Variants in ACSM2B observed in about 807,000 individuals in gnomAD.
ACSM2B encodes the protein acyl-CoA synthetase medium chain family member 2B, also known as acyl-coenzyme A synthetase ACSM2B, mitochondrial.
A neutral mutation model predicts 78.6 loss-of-function variants in ACSM2B; 58 were observed. The ratio of observed to expected loss-of-function variants is 0.74; its 90% CI spans 0.60 to 0.92. ACSM2B has a LOEUF of 0.92. Ranked by LOEUF, ACSM2B falls within the 40% of genes least tolerant of loss-of-function variation. The pLI, the probability that ACSM2B is intolerant of heterozygous loss-of-function variation, is 0.00. For missense variants in ACSM2B, 688 were observed against 711.2 expected, an observed-to-expected ratio of 0.97 and a Z score of 0.37; for synonymous variants, 257 against 256.8, an observed-to-expected ratio of 1.00 and a Z score of -0.01.
chr16:20,545,179 A>G lies in ACSM2B; in HGVS notation c.1259T>C (p.Ile420Thr). The G allele has an allele frequency of 6.2e-7, 1 of 1,613,700 alleles. No homozygotes were observed. Among genetic ancestry groups the G allele is most frequent in the Non-Finnish European group, 8.5e-7 (1 of 1,179,696 alleles). ...IGIRVKPIRP[I>T]GIFSGYVENP... The stretch of plus-strand genomic sequence containing the variant: ...CACCACATAGCCAGAGAAGATGCCT[A>G]TAGGCCTGATGGGTTTGACCCTGAT... Residue 420 changes from isoleucine (I) to threonine (T), a missense_variant, in exon 10 of 14, where the codon ATA (isoleucine) becomes ACA (threonine). Coordinates refer to ENST00000329697, the MANE Select transcript of ACSM2B (RefSeq NM_001105069.2).
intron 8 of ACSM2B, 168 bp from the exon 9 acceptor site, chr16:20,546,642 A>T (rs2015150986): frequency 8.0e-7 from 1 of 1,245,856 alleles, no homozygotes; most frequent in Non-Finnish European, 1.1e-6. Flanking sequence ...CTGGAATCAC[A>T]ATCCTAGGGG....
In ACSM2B at chr16:20,545,259, C is replaced by G; in HGVS notation, c.1180-1G>C. 6.2e-7 allele frequency: 1 copy of G among 1,612,870 alleles called. No homozygotes were observed. The highest frequency in any genetic ancestry group is 1.1e-5 in the South Asian group (1 of 90,846). On this transcript the variant is annotated splice_acceptor_variant, in intron 9 of 13. Transcript: ENST00000329697. LOFTEE classifies it high-confidence loss of function. Reference sequence around the variant, plus strand: ...GGACGTTGCCCTTATCATCTATAACCTGGAGAAAGAAGCATATTGGAAGAA... The same window carrying G: ...GGACGTTGCCCTTATCATCTATAACGTGGAGAAAGAAGCATATTGGAAGAA...
chr16:20,551,848 A>G lies in ACSM2B; in HGVS notation c.894+296T>C, dbSNP rs545631182. ...TCCCTTTTACATGTGGTTCACCAGC[A>G]TCTATCTGATAGGTGACACCAGTGG... On this transcript the variant is annotated intron_variant, in intron 6 of 13. Transcript: ENST00000329697. Among the ~76,000 whole-genome samples the G allele has an allele frequency of 6.6e-5, 10 of 152,316 alleles. No homozygotes were observed. The South Asian group carries it at 2.1e-3, about 32-fold the overall frequency.
chr16:20,537,311 T>G lies in ACSM2B; in HGVS notation c.1681A>C (p.Thr561Pro), dbSNP rs775014510. Residue 561 changes from threonine (T) to proline (P), a missense_variant, in exon 14 of 14, where the codon ACC becomes CCC. Thr to Pro is a conservative substitution (Grantham distance 38). Coordinates refer to ENST00000329697, the MANE Select transcript of ACSM2B (RefSeq NM_001105069.2). ...PKTVTGKIQR[T>P]KLRDKEWKMS... is the part of the protein sequence containing the mutation. ...TTCCACTCCTTGTCTCGAAGTTTGG[T>G]TCGTTGAATTTTCCCTGTGACAGTC... 1.9e-6 allele frequency: 3 copies of G among 1,613,984 alleles called. No individual in the cohort carries two copies. The highest frequency in any genetic ancestry group is 2.2e-5 in the South Asian group (2 of 91,068).
At chr16:20,572,974 ATT>A (rs59811675) in intron 1 of ACSM2B, among the ~76,000 whole-genome samples, 4,065 of 137,770 alleles carry the variant, frequency 0.03, 134 homozygotes, top group African/African-American at 0.076. Context: ...CATAACTTGT[ATT>A]TTTTTTTTTT....
intron 1 of ACSM2B, among the ~76,000 whole-genome samples, chr16:20,571,055 A>T (rs1487098613): frequency 6.6e-6 from 1 of 150,666 alleles, no homozygotes; most frequent in Non-Finnish European, 1.5e-5. Context: ...GTATTTTTTT[A>T]TCTCAATTTC....
rs140021440 is a variant in ACSM2B at position 20,552,198 on chromosome 16, T to A, written c.840A>T (p.Gly280=). 3.7e-6 allele frequency: 6 copies of A among 1,613,780 alleles called. No individual in the cohort carries two copies. The African/African-American group carries it at 8.0e-5, about 22-fold the overall frequency. Reference sequence around the variant, plus strand: ...GCAAGAGATGAACAAATGTGCATGCTCCTAATGTCCAAGATTCCAAAAGTG... The same window carrying A: ...GCAAGAGATGAACAAATGTGCATGCACCTAATGTCCAAGATTCCAAAAGTG... ...LGSLLESWTL[G]ACTFVHLLPK... is the part of the protein sequence containing the mutation. The change falls in exon 6 of 14, where the codon GGA becomes GGT. Residue 280 remains glycine, a synonymous_variant. Coordinates refer to ENST00000329697, the MANE Select transcript of ACSM2B (RefSeq NM_001105069.2).
intron 10 of ACSM2B, 29 bp from the exon 11 acceptor site, chr16:20,543,291 G>A (rs2285630): frequency 0.21 from 340,429 of 1,608,462 alleles, 37,477 homozygotes; most frequent in East Asian, 0.57. Flanking sequence ...CAGAGTCATT[G>A]TGCCTGCAAA....
intron 13 of ACSM2B, among the ~76,000 whole-genome samples, chr16:20,538,892 A>G (rs926216222): frequency 2.6e-5 from 4 of 152,026 alleles, no homozygotes; most frequent in Non-Finnish European, 5.9e-5. Context: ...GTGGACTCTG[A>G]TATGCAGCTA....
intron 1 of ACSM2B, among the ~76,000 whole-genome samples, chr16:20,566,960 T>C (rs1269267570): frequency 1.8e-5 from 2 of 110,826 alleles, no homozygotes; most frequent in East Asian, 2.2e-4. Context: ...TCATATATAT[T>C]ATATATTATA....
intron 6 of ACSM2B, among the ~76,000 whole-genome samples, chr16:20,549,355 G>A (rs549344133): frequency 7.4e-4 from 113 of 152,210 alleles, no homozygotes; most frequent in Non-Finnish European, 1.2e-3. Context: ...AGCTGCATCT[G>A]GTGAGAACCT....
chr16:20,547,915 A>G (rs2015187964), intron 8 of ACSM2B, 147 bp downstream of exon 8: 5 of 1,495,590 alleles, frequency 3.3e-6, no homozygotes, highest in Non-Finnish European at 4.5e-6. Flanking sequence ...TGAATTTTCA[A>G]TACTCAGTAC....
Position 20,553,763 on chromosome 16 carries a change from A to C in ACSM2B, c.740+14T>G. On this transcript the variant is annotated intron_variant, in intron 5 of 13. Coordinates refer to ENST00000329697, the MANE Select transcript of ACSM2B (RefSeq NM_001105069.2). ...GTCATGCAATTCTCTGTAGAGAGAA[A>C]GAGCTCAGCTTACCCAGCATCCATC... 1 of 1,606,930 alleles carries C rather than the reference A, an allele frequency of 6.2e-7. No homozygotes were observed. The highest frequency in any genetic ancestry group is 1.1e-5 in the South Asian group (1 of 90,390).
At chr16:20,568,601 G>T (rs1269400339) in intron 1 of ACSM2B, among the ~76,000 whole-genome samples, 1 of 151,388 alleles carries the variant, frequency 6.6e-6, no homozygotes, top group Non-Finnish European at 1.5e-5. Context: ...TGGGATTGCT[G>T]GATCAAATGG....
chr16:20,560,182 T>C (rs1386176430), intron 2 of ACSM2B, among the ~76,000 whole-genome samples: 2 of 151,020 alleles, frequency 1.3e-5, no homozygotes, highest in East Asian at 3.9e-4. Flanking sequence ...CCCTCTCCCA[T>C]TAGGCCCTGA....
At chr16:20,555,633 G>C (rs1283061063) in intron 3 of ACSM2B, among the ~76,000 whole-genome samples, 157 bp from the exon 4 acceptor site, 3 of 152,250 alleles carry the variant, frequency 2.0e-5, no homozygotes, top group African/African-American at 7.2e-5. Flanking sequence ...CTAAGGACTA[G>C]GGAGTGAATG....
rs1233696935 is a variant in ACSM2B at position 20,543,010 on chromosome 16, G to C, written c.1413C>G (p.Tyr471Ter). The C allele has an allele frequency of 3.1e-6, 5 of 1,613,420 alleles. No individual in the cohort carries two copies. The South Asian group carries it at 5.5e-5, about 18-fold the overall frequency. The change falls in exon 12 of 14, where the codon TAC becomes TAG. Residue 471 changes from tyrosine to a stop codon, truncating the protein, a stop_gained. Transcript: ENST00000329697. LOFTEE classifies it high-confidence loss of function. ...RADDIINSSG[Y>*]RIGPSEVENA... is the part of the protein sequence containing the mutation. ...TCTCTACCTCCGAGGGTCCAATCCGGTACCTGCAGAAGAACCTGTCCTTCA... is the reference window on the plus strand; with the variant it reads ...TCTCTACCTCCGAGGGTCCAATCCGCTACCTGCAGAAGAACCTGTCCTTCA...
In ACSM2B at chr16:20,548,498, C is replaced by T. The variant is rs375114238; in HGVS notation, c.895-25G>A. The T allele has an allele frequency of 5.0e-5, 81 of 1,613,386 alleles. No individual in the cohort carries two copies. In the African/African-American group the frequency reaches 1.0e-3, roughly 20 times the overall value. ...TCTGGAAGACAAGAGCCAGGTGAGA[C>T]ATTGGTCACCAGGTCAAATGCCAAC... On this transcript the variant is annotated intron_variant, in intron 6 of 13. Transcript: ENST00000329697.
At chr16:20,552,968 A>G (rs1283050495) in intron 5 of ACSM2B, among the ~76,000 whole-genome samples, 1 of 152,200 alleles carries the variant, frequency 6.6e-6, no homozygotes, top group African/African-American at 2.4e-5. Context: ...TATATCTGCA[A>G]AAAATGAGAC....
Sources: allele counts gnomAD v4.1 joint callset (sites outside exome capture counted in the v4.1 genomes callset), GRCh38; gene constraint gnomAD v4.1.1; transcripts MANE v1.5; gene names NCBI Gene and HGNC (gene_info 2026-07-23, HGNC 2026-07-21).